The following LMBRD1 variants were observed in gnomAD, a reference collection of about 807,000 sequenced individuals.
LMBRD1 encodes the protein LMBR1 domain containing 1, also known as lysosomal cobalamin transport escort protein LMBD1.
A neutral mutation model predicts 74.8 loss-of-function variants in LMBRD1; 64 were observed. That is an observed-to-expected ratio of 0.86 (90% CI 0.70 to 1.05). The LOEUF (loss-of-function observed/expected upper bound fraction) is 1.05, where lower values mean the gene tolerates loss of function less well. Among genes scored for constraint, LMBRD1 ranks in the 50% least tolerant of loss-of-function variants. The pLI is 0.00. For missense variants in LMBRD1, 652 were observed against 645.9 expected, an observed-to-expected ratio of 1.01 and a Z score of -0.10; for synonymous variants, 204 against 216.3, an observed-to-expected ratio of 0.94 and a Z score of 0.50.
chr6:69,781,590 A>T (rs1229006916), intron 2 of LMBRD1, among the ~76,000 whole-genome samples: 1 of 152,144 alleles, frequency 6.6e-6, no homozygotes, highest in Non-Finnish European at 1.5e-5. Flanking sequence ...CTAAAATATA[A>T]AAAAAGTAGA....
At chr6:69,737,196 G>A (rs972606594) in intron 7 of LMBRD1, among the ~76,000 whole-genome samples, 1 of 152,156 alleles carries the variant, frequency 6.6e-6, no homozygotes, top group African/African-American at 2.4e-5. Flanking sequence ...AATTAAGAGT[G>A]CTTCAACATA....
At chr6:69,694,162 A>T (rs1425609721) in intron 14 of LMBRD1, among the ~76,000 whole-genome samples, 1 of 152,096 alleles carries the variant, frequency 6.6e-6, no homozygotes, top group African/African-American at 2.4e-5. Flanking sequence ...CAATATAAAA[A>T]ATTCACTCAG....
intron 2 of LMBRD1, among the ~76,000 whole-genome samples, chr6:69,780,928 TA>T (rs1174658288): frequency 2.0e-5 from 3 of 152,122 alleles, no homozygotes; most frequent in Non-Finnish European, 2.9e-5. Flanking sequence ...TTCAAGAAGC[TA>T]AATATAGATT....
intron 3 of LMBRD1, among the ~76,000 whole-genome samples, chr6:69,771,380 A>G (rs1765574514): frequency 6.6e-6 from 1 of 152,208 alleles, no homozygotes; most frequent in Non-Finnish European, 1.5e-5. Context: ...AGCTTGGTTA[A>G]TATGAGCAAG....
intron 1 of LMBRD1, among the ~76,000 whole-genome samples, chr6:69,791,016 A>G (rs760042153): frequency 6.6e-6 from 1 of 152,250 alleles, no homozygotes; most frequent in Admixed American, 6.5e-5. Context: ...AAGAAAAGTC[A>G]ATGCTGAAAA....
At chr6:69,711,509 T>C (rs998917591) in intron 9 of LMBRD1, among the ~76,000 whole-genome samples, 2 of 152,132 alleles carry the variant, frequency 1.3e-5, no homozygotes, top group African/African-American at 4.8e-5. Context: ...AGATTATAAA[T>C]ATTTATAAAA....
intron 8 of LMBRD1, among the ~76,000 whole-genome samples, chr6:69,716,405 C>T (rs1215492117): frequency 6.6e-6 from 1 of 152,066 alleles, no homozygotes; most frequent in Admixed American, 6.6e-5. Flanking sequence ...TTTTTGGCCA[C>T]ATGTATGTCT....
At chr6:69,749,207 A>G in intron 5 of LMBRD1, 134 bp downstream of exon 5, 1 of 704,612 alleles carries the variant, frequency 1.4e-6, no homozygotes, top group Non-Finnish European at 2.4e-6. Context: ...TGTTCCTTGG[A>G]GATTTAGAGA....
rs573542896 is a variant in LMBRD1, at chr6:69,741,699, T to G, written c.562+90A>C. The G allele has an allele frequency of 7.4e-4, 625 of 838,968 alleles. 1 individual carries two copies. Among genetic ancestry groups the G allele is most frequent in the Non-Finnish European group, 5.2e-4 (266 of 507,060 alleles). 52.0% of individuals were successfully genotyped at this position (838,968 alleles called of 1,614,324 possible). On this transcript the variant is annotated intron_variant, in intron 6 of 15. Coordinates refer to ENST00000649934, the MANE Select transcript of LMBRD1 (RefSeq NM_018368.4). ...CCACCACGCCCAGCTGGGGTTAAAT[T>G]CTTAACAAAATACAAATAAACTGCT...
chr6:69,683,018 A>G (rs1765694149), intron 14 of LMBRD1, among the ~76,000 whole-genome samples: 1 of 152,048 alleles, frequency 6.6e-6, no homozygotes, highest in African/African-American at 2.4e-5. Context: ...GCTTTGGTGT[A>G]GATACTGGAG....
intron 7 of LMBRD1, 107 bp from the exon 8 acceptor site, chr6:69,719,188 AAG>A (rs1766560265): frequency 1.0e-6 from 1 of 987,296 alleles, no homozygotes; most frequent in Non-Finnish European, 1.5e-6. Flanking sequence ...GCAGTTGTGA[AAG>A]AGTACAGTCA....
chr6:69,729,247 G>A (rs1307849443), intron 7 of LMBRD1, among the ~76,000 whole-genome samples: 1 of 146,930 alleles, frequency 6.8e-6, no homozygotes, highest in African/African-American at 2.5e-5. Flanking sequence ...ATTAACAACT[G>A]TTAATGCCCT....
chr6:69,789,278 C>T (rs1442302923), intron 2 of LMBRD1, among the ~76,000 whole-genome samples: 2 of 152,188 alleles, frequency 1.3e-5, no homozygotes, highest in African/African-American at 4.8e-5. Flanking sequence ...AATCCCAGCA[C>T]TTTGGGAGGC....
chr6:69,699,228 A>G (rs754599647), intron 12 of LMBRD1, 36 bp from the exon 13 acceptor site: 1 of 1,555,352 alleles, frequency 6.4e-7, no homozygotes, highest in Non-Finnish European at 8.9e-7. Flanking sequence ...TCAGCAATAT[A>G]TTTCATTTAT....
At chr6:69,713,367 A>T (rs1172671027) in intron 9 of LMBRD1, among the ~76,000 whole-genome samples, 2 of 152,202 alleles carry the variant, frequency 1.3e-5, no homozygotes, top group African/African-American at 4.8e-5. Context: ...ATCAATTTAT[A>T]GGAAAGTATA....
At chr6:69,678,592 T>G (rs1015374511) in intron 14 of LMBRD1, among the ~76,000 whole-genome samples, 2 of 152,140 alleles carry the variant, frequency 1.3e-5, no homozygotes, top group Non-Finnish European at 2.9e-5. Context: ...GTCTGTTAAT[T>G]ACAAAATAAA....
chr6:69,768,263 T>C (rs933480380), intron 3 of LMBRD1, among the ~76,000 whole-genome samples: 24 of 151,922 alleles, frequency 1.6e-4, no homozygotes, highest in African/African-American at 5.6e-4. Flanking sequence ...GCTTCTCCTT[T>C]ACTACCTTAT....
chr6:69,740,433 A>G (rs913543832), intron 6 of LMBRD1, among the ~76,000 whole-genome samples: 5 of 152,244 alleles, frequency 3.3e-5, no homozygotes, highest in African/African-American at 9.6e-5. Flanking sequence ...GTAGTTACTC[A>G]AGATATCTAA....
intron 2 of LMBRD1, among the ~76,000 whole-genome samples, chr6:69,785,262 G>A (rs901476983): frequency 2.6e-5 from 4 of 152,156 alleles, no homozygotes; most frequent in Non-Finnish European, 4.4e-5. Flanking sequence ...CTACACGATA[G>A]AGAACTCCAG....
Sources: allele counts gnomAD v4.1 joint callset (sites outside exome capture counted in the v4.1 genomes callset), GRCh38; gene constraint gnomAD v4.1.1; transcripts MANE v1.5; gene names NCBI Gene and HGNC (gene_info 2026-07-23, HGNC 2026-07-21).